FBXO42: variants seen among roughly 807,000 people sequenced by gnomAD.
The protein encoded by FBXO42 is F-box only protein 42.
A neutral mutation model predicts 71.7 loss-of-function variants in FBXO42; 12 were observed. That is an observed-to-expected ratio of 0.17 (90% CI 0.11 to 0.27). The LOEUF (loss-of-function observed/expected upper bound fraction) is 0.27. FBXO42 is among the 10% of genes least tolerant of loss of function. FBXO42 has a pLI of 1.00. For synonymous variants in FBXO42, 325 were observed against 327.5 expected, an observed-to-expected ratio of 0.99 and a Z score of 0.08; for missense variants, 707 against 911.9, an observed-to-expected ratio of 0.78 and a Z score of 2.89.
chr1:16,296,659 A>C (rs1334545420), intron 3 of FBXO42, among the ~76,000 whole-genome samples: 4 of 151,918 alleles, frequency 2.6e-5, no homozygotes, highest in East Asian at 1.9e-4. Context: ...CAAAAAAAAA[A>C]AAAAAAAAAC....
At chr1:16,346,415 G>A (rs893084378) in intron 1 of FBXO42, among the ~76,000 whole-genome samples, 9 of 152,178 alleles carry the variant, frequency 5.9e-5, no homozygotes, top group Middle Eastern at 3.4e-3. Context: ...AGAGCGAGGC[G>A]TAGTGGCTCA....
intron 4 of FBXO42, among the ~76,000 whole-genome samples, chr1:16,285,996 C>A (rs989082407): frequency 6.6e-6 from 1 of 152,098 alleles, no homozygotes; most frequent in Non-Finnish European, 1.5e-5. Flanking sequence ...CCCCTGCCCG[C>A]CTGCATCAGC....
chr1:16,274,435 T>C (rs1405846625), intron 4 of FBXO42, among the ~76,000 whole-genome samples: 1 of 151,950 alleles, frequency 6.6e-6, no homozygotes, highest in Non-Finnish European at 1.5e-5. Flanking sequence ...AGGGGGCTTT[T>C]TTGAGGTGAA....
At position 16,337,693 on chromosome 1, in the gene FBXO42, C is replaced by A. The variant is rs555563706; in HGVS notation, c.-18+14562G>T. ...AGGTCAGGAGTTCAAGACCAGCCTG[C>A]CCAACATGGTGAAACCCCCGCCTCT... On this transcript the variant is annotated intron_variant, in intron 1 of 9. Transcript: ENST00000375592. 1.3e-3 allele frequency among the ~76,000 whole-genome samples: 195 copies of A among 149,432 alleles called. 1 individual carries two copies. Among genetic ancestry groups the A allele is most frequent in the South Asian group, 5.9e-3 (28 of 4,732 alleles).
chr1:16,257,721 C>T (rs992642056), intron 4 of FBXO42, among the ~76,000 whole-genome samples: 2 of 152,156 alleles, frequency 1.3e-5, no homozygotes, highest in African/African-American at 4.8e-5. Context: ...CGCTTTGTCA[C>T]CCAGGCTGGA....
At chr1:16,263,678 G>C (rs969747728) in intron 4 of FBXO42, among the ~76,000 whole-genome samples, 1 of 147,736 alleles carries the variant, frequency 6.8e-6, no homozygotes, top group African/African-American at 2.5e-5. Flanking sequence ...AGCCAAGATC[G>C]CACCGTTGCA....
intron 4 of FBXO42, among the ~76,000 whole-genome samples, chr1:16,280,285 TTCCTCAAAACTG>T (rs1286692117): frequency 6.6e-6 from 1 of 152,182 alleles, no homozygotes; most frequent in Non-Finnish European, 1.5e-5. Context: ...CTGACCAGTA[TTCCTCAAAACTG>T]TCAAGATAAT....
chr1:16,311,800 G>C (rs1386430098), intron 2 of FBXO42, among the ~76,000 whole-genome samples: 1 of 151,992 alleles, frequency 6.6e-6, no homozygotes, highest in African/African-American at 2.4e-5. Context: ...AAAACAGTTT[G>C]GCAGTTCCTT....
Position 16,315,166 on chromosome 1 carries a change from T to C in FBXO42, c.250+3A>G, listed in dbSNP as rs748496588. 6 of 1,605,312 alleles carry C rather than the reference T, an allele frequency of 3.7e-6. No homozygotes were observed. In the East Asian group the frequency reaches 1.3e-4, roughly 36 times the overall value. ...AAATAAACCTTTCTCCTATCCACAGTACCTTTGATAAGTCGATACCACTGT... is the reference window on the plus strand; with the variant it reads ...AAATAAACCTTTCTCCTATCCACAGCACCTTTGATAAGTCGATACCACTGT... On this transcript the variant is annotated splice_donor_region_variant and intron_variant, in intron 2 of 9. Coordinates refer to ENST00000375592, the MANE Select transcript of FBXO42 (RefSeq NM_018994.3).
intron 4 of FBXO42, among the ~76,000 whole-genome samples, chr1:16,259,632 A>G (rs1001807488): frequency 2.0e-5 from 3 of 151,940 alleles, no homozygotes; most frequent in Non-Finnish European, 4.4e-5. Context: ...CAGGCATGGT[A>G]GCCCACGCCT....
intron 3 of FBXO42, among the ~76,000 whole-genome samples, chr1:16,304,630 C>T (rs1315006684): frequency 6.6e-6 from 1 of 152,090 alleles, no homozygotes; most frequent in Non-Finnish European, 1.5e-5. Context: ...GTTTAAAACG[C>T]TAAGCATAAC....
At chr1:16,287,045 C>T (rs1180363901) in intron 4 of FBXO42, among the ~76,000 whole-genome samples, 1 of 152,208 alleles carries the variant, frequency 6.6e-6, no homozygotes, top group Non-Finnish European at 1.5e-5. Flanking sequence ...ACACAACTAG[C>T]CATTCTATTC....
chr1:16,279,854 C>T (rs199959930), intron 4 of FBXO42, among the ~76,000 whole-genome samples: 55 of 138,136 alleles, frequency 4.0e-4, no homozygotes, highest in African/African-American at 1.0e-3. Context: ...TTTTTTTTTT[C>T]TTTTTTTTTT....
rs572411827 is a variant in FBXO42 at position 16,259,204 on chromosome 1, C to G, written c.503-2445G>C. 1.3e-5 allele frequency among the ~76,000 whole-genome samples: 2 copies of G among 152,258 alleles called. 1 individual carries two copies. Among genetic ancestry groups the G allele is most frequent in the South Asian group, 4.1e-4 (2 of 4,826 alleles). ...TCCCCAAGGGGATCTATCTCCTAGC[C>G]CAATTAGAAAGCCTAAGTAATATAA... On this transcript the variant is annotated intron_variant, in intron 4 of 9. Coordinates refer to ENST00000375592, the MANE Select transcript of FBXO42 (RefSeq NM_018994.3).
chr1:16,274,455 C>T (rs2081877003), intron 4 of FBXO42, among the ~76,000 whole-genome samples: 2 of 151,938 alleles, frequency 1.3e-5, no homozygotes, highest in South Asian at 2.1e-4. Flanking sequence ...AGAAAGTTTT[C>T]GTATCTTGAT....
intron 4 of FBXO42, among the ~76,000 whole-genome samples, chr1:16,267,220 T>A (rs1437834292): frequency 2.0e-5 from 3 of 152,158 alleles, no homozygotes; most frequent in Non-Finnish European, 4.4e-5. Flanking sequence ...CAACTTAACA[T>A]CAATGTGGCC....
At chr1:16,309,286 C>T (rs1042868081) in intron 2 of FBXO42, among the ~76,000 whole-genome samples, 15 of 150,654 alleles carry the variant, frequency 1.0e-4, no homozygotes, top group African/African-American at 3.7e-4. Flanking sequence ...ACCACGTTGG[C>T]CAGGATGGTC....
intron 1 of FBXO42, among the ~76,000 whole-genome samples, chr1:16,336,750 A>G (rs993462242): frequency 2.7e-5 from 4 of 150,780 alleles, no homozygotes; most frequent in Non-Finnish European, 3.0e-5. Flanking sequence ...TTGGGAGGCT[A>G]AGGCAGGTGA....
At chr1:16,291,362 T>C (rs1029978823) in intron 4 of FBXO42, among the ~76,000 whole-genome samples, 5 of 152,022 alleles carry the variant, frequency 3.3e-5, no homozygotes, top group South Asian at 4.2e-4. Context: ...AATGAGAATC[T>C]CATGGGACTT....
Sources: gnomAD v4.1 joint callset for allele counts (sites outside exome capture counted in the v4.1 genomes callset) on GRCh38, gnomAD v4.1.1 for gene constraint, MANE v1.5 for transcripts, NCBI Gene and HGNC (gene_info 2026-07-23, HGNC 2026-07-21) for gene names.